DYSF: variants seen among roughly 807,000 people sequenced by gnomAD.
DYSF encodes dystrophy-associated fer-1-like 1.
DYSF carries 212 observed loss-of-function variants against 274.9 expected under a neutral mutation model. That is an observed-to-expected ratio of 0.77 (90% CI 0.69 to 0.86). DYSF has a LOEUF of 0.86. Ranked by LOEUF, DYSF falls within the 40% of genes least tolerant of loss-of-function variation. The pLI, the probability that DYSF is intolerant of heterozygous loss-of-function variation, is 0.00. For missense variants in DYSF, 2,666 were observed against 2,783.2 expected, an observed-to-expected ratio of 0.96 and a Z score of 0.95; for synonymous variants, 1,091 against 1,078.7, an observed-to-expected ratio of 1.01 and a Z score of -0.22.
At chr2:71,550,951 CA>C (rs2090900057) in intron 17 of DYSF, 89 bp from the exon 18 acceptor site, 3 of 1,108,312 alleles carry the variant, frequency 2.7e-6, no homozygotes, top group Admixed American at 1.7e-5. Flanking sequence ...AACTGAGGGC[CA>C]GGGGTGGGCT....
intron 1 of DYSF, among the ~76,000 whole-genome samples, chr2:71,476,330 C>A (rs1230760045): frequency 6.6e-6 from 1 of 152,028 alleles, no homozygotes; most frequent in Non-Finnish European, 1.5e-5. Context: ...GGTGGGCAGA[C>A]CACCTGAGGT....
intron 41 of DYSF, among the ~76,000 whole-genome samples, chr2:71,633,511 T>A (rs2094348034): frequency 6.6e-6 from 1 of 152,168 alleles, no homozygotes; most frequent in African/African-American, 2.4e-5. Flanking sequence ...CTTTACAGGT[T>A]ACAGCATATC....
At chr2:71,680,854 A>G in intron 53 of DYSF, 147 bp from the exon 54 acceptor site, 1 of 689,224 alleles carries the variant, frequency 1.5e-6, no homozygotes. Context: ...TGTTTTACAA[A>G]GAGCAGGTGC....
In DYSF at chr2:71,644,055, A is replaced by G; in HGVS notation, c.4618A>G (p.Thr1540Ala). The change falls in exon 42 of 56, where the codon ACC becomes GCC. Residue 1540 changes from threonine to alanine, a missense_variant. This residue lies in a region of DYSF where 1,460 missense variants were observed against 1,502.1 expected (regional missense o/e 0.97). Transcript: ENST00000410020. ...CGSYLEKDFD[T>A]LKVYDTQLEN... ...CTCCTACCTGGAGAAGGATTTTGAC[A>G]CCCTGAAGGTAAGGCCTCTCTTCAG... is the stretch of plus-strand genomic sequence containing the variant. 1.2e-6 allele frequency: 2 copies of G among 1,610,118 alleles called. No homozygotes were observed. Among genetic ancestry groups the G allele is most frequent in the Non-Finnish European group, 1.7e-6 (2 of 1,178,086 alleles).
intron 24 of DYSF, among the ~76,000 whole-genome samples, chr2:71,566,967 A>G (rs917113054): frequency 3.3e-5 from 5 of 152,136 alleles, no homozygotes; most frequent in African/African-American, 7.2e-5. Context: ...CCCTTACCTC[A>G]GCTGCCCTTT....
intron 41 of DYSF, among the ~76,000 whole-genome samples, chr2:71,621,213 A>T (rs1259463823): frequency 1.3e-5 from 2 of 152,052 alleles, no homozygotes; most frequent in East Asian, 3.9e-4. Context: ...CTGAAGTCCC[A>T]TGGTGAGGGC....
intron 31 of DYSF, among the ~76,000 whole-genome samples, chr2:71,590,000 A>G (rs2093209757): frequency 6.6e-6 from 1 of 151,938 alleles, no homozygotes; most frequent in African/African-American, 2.4e-5. Flanking sequence ...CCCCAGCCCT[A>G]GGCTGGCCCA....
chr2:71,565,266 A>ATTTTTTTTTTTTTTTTTTTTTTT (rs1236133814), intron 24 of DYSF, among the ~76,000 whole-genome samples: 18 of 113,804 alleles, frequency 1.6e-4, no homozygotes, highest in African/African-American at 6.1e-4. Flanking sequence ...TTTTTTTTTA[A>ATTTTTTTTTTTTTTTTTTTTTTT]TTTTAGTGGA....
chr2:71,635,843 C>A (rs1481228477), intron 41 of DYSF, among the ~76,000 whole-genome samples: 1 of 151,600 alleles, frequency 6.6e-6, no homozygotes, highest in African/African-American at 2.4e-5. Flanking sequence ...ATATTAATAC[C>A]CACGTAAAAT....
chr2:71,602,900 G>A, intron 36 of DYSF, 95 bp downstream of exon 36: 1 of 1,462,146 alleles, frequency 6.8e-7, no homozygotes, highest in Non-Finnish European at 9.4e-7. Flanking sequence ...CAGGTTCCTG[G>A]TGCCCAGCAG....
intron 16 of DYSF, among the ~76,000 whole-genome samples, chr2:71,537,834 C>T (rs1339791443): frequency 6.6e-6 from 1 of 152,120 alleles, no homozygotes; most frequent in African/African-American, 2.4e-5. Context: ...AAGGCACTCA[C>T]AACAGGGAGA....
intron 46 of DYSF, 96 bp downstream of exon 46, chr2:71,664,534 G>A (rs532151199): frequency 6.7e-6 from 10 of 1,496,596 alleles, no homozygotes; most frequent in Non-Finnish European, 9.2e-6. Flanking sequence ...CTGTGTGCCA[G>A]CCCTGGGCTT....
chr2:71,677,736 G>A (rs2095244362), intron 52 of DYSF, among the ~76,000 whole-genome samples: 1 of 152,166 alleles, frequency 6.6e-6, no homozygotes, highest in Non-Finnish European at 1.5e-5. Flanking sequence ...TGGGACATTG[G>A]TGGTTTGAGT....
At position 71,656,258 on chromosome 2, in the gene DYSF, A is replaced by G; in HGVS notation, c.4723A>G (p.Thr1575Ala). ...KLYRGKTQEE[T>A]EDPSVIGEFK... ...GTACCGGGGCAAGACGCAGGAGGAG[A>G]CAGAAGATCCATCTGTGATTGGTGA... The change falls in exon 43 of 56, where the codon ACA becomes GCA. Residue 1575 changes from threonine (T) to alanine (A), a missense_variant. Around this residue, in one of 3 missense-constraint regions of DYSF, gnomAD observed 1,460 missense variants for 1,502.1 expected, o/e 0.97. Transcript: ENST00000410020. The G allele has an allele frequency of 6.2e-7, 1 of 1,614,130 alleles. No individual in the cohort carries two copies. Among genetic ancestry groups the G allele is most frequent in the South Asian group, 1.1e-5 (1 of 91,078 alleles).
intron 52 of DYSF, among the ~76,000 whole-genome samples, chr2:71,676,100 A>G (rs2095217532): frequency 6.6e-6 from 1 of 152,136 alleles, no homozygotes; most frequent in African/African-American, 2.4e-5. Flanking sequence ...GGTCATCTCC[A>G]GGTTTCCCAA....
chr2:71,666,973 G>A (rs746777876), intron 47 of DYSF, among the ~76,000 whole-genome samples: 10 of 152,226 alleles, frequency 6.6e-5, no homozygotes, highest in South Asian at 2.1e-4. Context: ...TTAAGTGAAC[G>A]AGAGCATAAT....
intron 20 of DYSF, 110 bp downstream of exon 20, chr2:71,553,298 G>T (rs1423842136): frequency 6.6e-6 from 10 of 1,522,830 alleles, no homozygotes; most frequent in Non-Finnish European, 9.0e-6. Flanking sequence ...CAAAGGCCCT[G>T]GTCCTGGCCC....
rs746709285 is a variant in DYSF, at chr2:71,549,418, C to A, written c.1577-1623C>A. 2.5e-6 allele frequency: 4 copies of A among 1,608,260 alleles called. No homozygotes were observed. The Admixed American group carries it at 6.7e-5, about 27-fold the overall frequency. On this transcript the variant is annotated intron_variant, in intron 17 of 55. Coordinates refer to ENST00000410020, the MANE Select transcript of DYSF (RefSeq NM_001130987.2). The stretch of plus-strand genomic sequence containing the variant: ...TACGTTGCTGTCACCTTGGGGACAA[C>A]CAGGGGAGTGGGGCCTTGGGTTTTG...
chr2:71,674,651 T>G (rs2095189750), intron 52 of DYSF, among the ~76,000 whole-genome samples: 1 of 152,112 alleles, frequency 6.6e-6, no homozygotes, highest in Non-Finnish European at 1.5e-5. Context: ...GCCCTGTGAG[T>G]GAGGGTCTCA....
Sources: allele counts gnomAD v4.1 joint callset (sites outside exome capture counted in the v4.1 genomes callset), GRCh38; gene constraint gnomAD v4.1.1; regional missense constraint gnomAD v4.1.1; transcripts MANE v1.5; gene names NCBI Gene and HGNC (gene_info 2026-07-23, HGNC 2026-07-21).